SDK1: variants seen among roughly 807,000 people sequenced by gnomAD.
SDK1 encodes sidekick cell adhesion molecule 1, also known as protein sidekick-1.
SDK1 carries 157 observed loss-of-function variants against 245.5 expected under a neutral mutation model. The ratio of observed to expected loss-of-function variants is 0.64; its 90% CI spans 0.56 to 0.73. The LOEUF is 0.73. SDK1 is among the 30% of genes least tolerant of loss of function. SDK1 has a pLI of 0.00. For missense variants in SDK1, 3,583 were observed against 3,002.3 expected, an observed-to-expected ratio of 1.19 and a Z score of -4.52; for synonymous variants, 1,647 against 1,278.5, an observed-to-expected ratio of 1.29 and a Z score of -6.15.
chr7:3,594,146 A>G (rs1212259837), intron 1 of SDK1, among the ~76,000 whole-genome samples: 1 of 152,030 alleles, frequency 6.6e-6, no homozygotes, highest in African/African-American at 2.4e-5. Flanking sequence ...CCAGGTAATC[A>G]CTCACCTACT....
chr7:3,619,367 G>C, intron 2 of SDK1, 128 bp downstream of exon 2: 1 of 680,312 alleles, frequency 1.5e-6, no homozygotes, highest in East Asian at 2.7e-5. Context: ...AAGATTAAAG[G>C]AATAGATTTG....
intron 1 of SDK1, among the ~76,000 whole-genome samples, chr7:3,446,700 T>C (rs1441396639): frequency 6.6e-6 from 1 of 152,144 alleles, no homozygotes; most frequent in Non-Finnish European, 1.5e-5. Context: ...CAAGACAAAA[T>C]TATTATTCTA....
At position 4,016,555 on chromosome 7, in the gene SDK1, T is replaced by C. The variant is rs58897525; in HGVS notation, c.2421-616T>C. The stretch of plus-strand genomic sequence containing the variant: ...TGTACATTATCTTTTTCATAAACAC[T>C]ACTTTAAATTTCCACCTTTAGTATG... On this transcript the variant is annotated intron_variant, in intron 16 of 44. Transcript: ENST00000404826. 8.1e-3 allele frequency among the ~76,000 whole-genome samples: 1,232 copies of C among 152,358 alleles called. 16 individuals carry two copies. The highest frequency in any genetic ancestry group is 0.028 in the African/African-American group (1,169 of 41,570).
At chr7:3,845,593 CA>C (rs1205802312) in intron 5 of SDK1, among the ~76,000 whole-genome samples, 8 of 151,196 alleles carry the variant, frequency 5.3e-5, no homozygotes, top group Non-Finnish European at 7.4e-5. Flanking sequence ...GACTGGAAAC[CA>C]GGTAACAAAA....
intron 1 of SDK1, among the ~76,000 whole-genome samples, chr7:3,483,891 A>G (rs1024769566): frequency 6.6e-6 from 1 of 152,184 alleles, no homozygotes; most frequent in Non-Finnish European, 1.5e-5. Flanking sequence ...ACATGGCCAT[A>G]ATACTTGTCT....
At chr7:3,302,017 G>GT in intron 1 of SDK1, 133 bp downstream of exon 1, 2 of 582,066 alleles carry the variant, frequency 3.4e-6, no homozygotes, top group East Asian at 1.9e-4. Context: ...GGGGGCTCTA[G>GT]GGAGCCCAGG....
chr7:3,601,109 C>T (rs1189865653), intron 1 of SDK1, among the ~76,000 whole-genome samples: 3 of 152,178 alleles, frequency 2.0e-5, no homozygotes, highest in African/African-American at 7.2e-5. Flanking sequence ...TAATACATTA[C>T]TGGATTTCAT....
chr7:3,862,139 G>A lies in SDK1; in HGVS notation c.847+40556G>A, dbSNP rs373171589. 7.2e-5 allele frequency among the ~76,000 whole-genome samples: 11 copies of A among 152,320 alleles called. No homozygotes were observed. The South Asian group carries it at 8.3e-4, about 11-fold the overall frequency. ...TACATGGACAGATCCATCTACTTAC[G>A]CAATGCTTAGGAAATTGCTTTCCTT... On this transcript the variant is annotated intron_variant, in intron 5 of 44. Transcript: ENST00000404826.
chr7:3,895,816 C>A (rs1232789171), intron 5 of SDK1, among the ~76,000 whole-genome samples: 1 of 152,074 alleles, frequency 6.6e-6, no homozygotes, highest in Non-Finnish European at 1.5e-5. Context: ...TCTTCTAATT[C>A]CCTTTGCATT....
At chr7:3,677,928 C>T (rs907416803) in intron 4 of SDK1, among the ~76,000 whole-genome samples, 3 of 152,010 alleles carry the variant, frequency 2.0e-5, no homozygotes, top group African/African-American at 7.2e-5. Flanking sequence ...TGTAAAGAAC[C>T]CCTACAACTC....
chr7:3,477,482 C>G (rs1324046513), intron 1 of SDK1, among the ~76,000 whole-genome samples: 2 of 150,864 alleles, frequency 1.3e-5, no homozygotes, highest in Non-Finnish European at 3.0e-5. Context: ...GTGAGCCACC[C>G]TGCTCGGCCT....
chr7:3,823,414 T>C (rs922969632), intron 5 of SDK1, among the ~76,000 whole-genome samples: 16 of 152,212 alleles, frequency 1.1e-4, no homozygotes, highest in African/African-American at 3.1e-4. Flanking sequence ...AGAAGAATTA[T>C]TCCACTGAAA....
chr7:3,448,396 A>C (rs1288247666), intron 1 of SDK1, among the ~76,000 whole-genome samples: 3 of 151,716 alleles, frequency 2.0e-5, no homozygotes, highest in Admixed American at 2.0e-4. Flanking sequence ...TATATTAGGG[A>C]TATTAACTGT....
intron 1 of SDK1, among the ~76,000 whole-genome samples, chr7:3,609,679 C>CAGGAGCCATCATACCTGGCATAGA: frequency 6.6e-6 from 1 of 151,668 alleles, no homozygotes; most frequent in East Asian, 2.0e-4. Context: ...GGATTATAGG[C>CAGGAGCCATCATACCTGGCATAGA]GTAAGCTACG....
intron 1 of SDK1, among the ~76,000 whole-genome samples, chr7:3,548,651 T>G (rs191224405): frequency 6.6e-6 from 1 of 152,326 alleles, no homozygotes; most frequent in East Asian, 1.9e-4. Context: ...AACTTCCAGA[T>G]TGCTCTCCAG....
chr7:4,121,942 T>C (rs560954619), intron 25 of SDK1, among the ~76,000 whole-genome samples: 1 of 152,324 alleles, frequency 6.6e-6, no homozygotes, highest in Middle Eastern at 3.4e-3. Flanking sequence ...TCAAAAATTT[T>C]ATAATTGGGT....
intron 1 of SDK1, among the ~76,000 whole-genome samples, chr7:3,395,509 G>A (rs1379884845): frequency 1.3e-5 from 2 of 151,832 alleles, no homozygotes; most frequent in African/African-American, 4.8e-5. Context: ...AGAATGAGAT[G>A]TGAGTAATAT....
At chr7:3,806,533 C>A (rs1438499996) in intron 4 of SDK1, among the ~76,000 whole-genome samples, 1 of 152,262 alleles carries the variant, frequency 6.6e-6, no homozygotes, top group Non-Finnish European at 1.5e-5. Context: ...TTTATAGACC[C>A]TAGCGAAGAA....
chr7:4,011,215 T>C (rs2128149094), intron 15 of SDK1, 102 bp downstream of exon 15: 1 of 1,425,258 alleles, frequency 7.0e-7, no homozygotes. Context: ...AGCAACCCGC[T>C]GGCTTCCCTC....
Sources: allele counts gnomAD v4.1 joint callset (sites outside exome capture counted in the v4.1 genomes callset), GRCh38; gene constraint gnomAD v4.1.1; transcripts MANE v1.5; gene names NCBI Gene and HGNC (gene_info 2026-07-23, HGNC 2026-07-21).